Variants in AATK observed in about 807,000 individuals in gnomAD.
AATK encodes the protein serine/threonine-protein kinase LMTK1.
In AATK, 91 loss-of-function variants were observed where a neutral mutation model predicts 114.3. The observed-to-expected ratio is 0.80, with a 90% CI of 0.67 to 0.95. The LOEUF is 0.95. Among genes scored for constraint, AATK ranks in the 40% least tolerant of loss-of-function variants. The pLI is 0.00. For missense variants in AATK, 2,176 were observed against 1,965.2 expected, an observed-to-expected ratio of 1.11 and a Z score of -2.03; for synonymous variants, 1,075 against 916.5, an observed-to-expected ratio of 1.17 and a Z score of -3.12.
At chr17:81,149,391 G>T (rs980284221) in intron 1 of AATK, among the ~76,000 whole-genome samples, 1 of 151,800 alleles carries the variant, frequency 6.6e-6, no homozygotes, top group African/African-American at 2.4e-5. Flanking sequence ...TGCCCTCCCC[G>T]GCCTGTGGGA....
chr17:81,138,573 C>T (rs571402099), intron 1 of AATK, among the ~76,000 whole-genome samples: 130 of 150,278 alleles, frequency 8.7e-4, no homozygotes, highest in Admixed American at 1.5e-3. Flanking sequence ...TACCCCCACA[C>T]GCACATACCC....
chr17:81,152,270 C>CA (rs2061308641), intron 1 of AATK, among the ~76,000 whole-genome samples: 1 of 151,936 alleles, frequency 6.6e-6, no homozygotes, highest in Non-Finnish European at 1.5e-5. Context: ...AAGCATGACT[C>CA]AGTCTCAAAA....
chr17:81,121,138 C>A lies in AATK; in HGVS notation c.2798G>T (p.Arg933Leu). The A allele has an allele frequency of 6.2e-7, 1 of 1,604,848 alleles. No homozygotes were observed. Among genetic ancestry groups the A allele is most frequent in the East Asian group, 2.2e-5 (1 of 44,666 alleles). ...SATGPSGGQP[R>L]ALDSGYDTEN... is the part of the protein sequence containing the mutation. ...GGTGTCATAGCCACTGTCCAGCGCTCGCGGCTGCCCTCCAGAGGGGCCAGT... is the reference window on the plus strand; with the variant it reads ...GGTGTCATAGCCACTGTCCAGCGCTAGCGGCTGCCCTCCAGAGGGGCCAGT... The change falls in exon 11 of 14, where the codon CGA becomes CTA. Residue 933 changes from arginine (R) to leucine (L), a missense_variant. Coordinates refer to ENST00000326724, the MANE Select transcript of AATK (RefSeq NM_001080395.3).
At position 81,119,432 on chromosome 17, in the gene AATK, C is replaced by G. The variant is rs528163975; in HGVS notation, c.4032G>C (p.Thr1344=). The G allele has an allele frequency of 2.0e-6, 3 of 1,524,958 alleles. No homozygotes were observed. The South Asian group carries it at 3.7e-5, about 19-fold the overall frequency. The allele number at this position is 1,524,958 out of a possible 1,614,324, so 94.5% of individuals were successfully genotyped here. A position where few individuals can be genotyped will look rare whatever the true frequency, so the allele number is the denominator to read the frequency against. The part of the protein sequence containing the change: ...FSRFTVSPAP[T]SRFSITHVSD... ...ACACGTGCGTGATGGAGAAGCGGGA[C>G]GTGGGCGCGGGCGACACCGTGAAGC... Residue 1344 remains threonine, a synonymous_variant, in exon 13 of 14, where the codon ACG becomes ACC. Transcript: ENST00000326724.
intron 9 of AATK, among the ~76,000 whole-genome samples, chr17:81,123,931 G>A (rs890505743): frequency 1.3e-5 from 2 of 152,304 alleles, no homozygotes; most frequent in East Asian, 1.9e-4. Context: ...AGGTGATTTG[G>A]CAAGACGTCA....
Position 81,121,319 on chromosome 17 carries a change from C to G in AATK, c.2617G>C (p.Asp873His). Residue 873 changes from aspartate to histidine, a missense_variant, in exon 11 of 14, where the codon GAC (aspartate) becomes CAC (histidine). Around this residue, in one of 4 missense-constraint regions of AATK, gnomAD observed 1,701 missense variants for 1,394.7 expected, o/e 1.22. Transcript: ENST00000326724. ...GCCTGCAGGCCGTCGCTGGACGTGTCGGTGAAGATGCCTGAGGTGGCCTCG... is the reference window on the plus strand; with the variant it reads ...GCCTGCAGGCCGTCGCTGGACGTGTGGGTGAAGATGCCTGAGGTGGCCTCG... The part of the protein sequence containing the change: ...TAEATSGIFT[D>H]TSSDGLQARR... 3 of 1,611,754 alleles carry G rather than the reference C, an allele frequency of 1.9e-6. No homozygotes were observed. The highest frequency in any genetic ancestry group is 2.2e-5 in the South Asian group (2 of 90,998).
intron 1 of AATK, among the ~76,000 whole-genome samples, chr17:81,138,635 C>G (rs2061068161): frequency 9.2e-6 from 1 of 108,986 alleles, no homozygotes; most frequent in Non-Finnish European, 2.1e-5. Context: ...ACACACATAT[C>G]CACACATCCA....
rs577111974 is a variant in AATK at position 81,154,472 on chromosome 17, C to G, written c.55+11466G>C. Among the ~76,000 whole-genome samples, 7 of 151,626 alleles carry G rather than the reference C, an allele frequency of 4.6e-5. No homozygotes were observed. The South Asian group carries it at 1.5e-3, about 32-fold the overall frequency. The stretch of plus-strand genomic sequence containing the variant: ...GGTAACTGGGATTACAGGCGCCCAC[C>G]ACCATGCCCTGCTAATTTTTGGATT... On this transcript the variant is annotated intron_variant, in intron 1 of 13. Transcript: ENST00000326724.
intron 1 of AATK, among the ~76,000 whole-genome samples, chr17:81,156,780 C>T (rs941245460): frequency 2.6e-5 from 4 of 152,224 alleles, no homozygotes; most frequent in African/African-American, 9.6e-5. Flanking sequence ...TTTCCACACT[C>T]AGGATGATGG....
rs564169165 is a variant in AATK at position 81,122,568 on chromosome 17, G to A, written c.1368C>T (p.Asp456=). The change falls in exon 11 of 14, where the codon GAC becomes GAT. Residue 456 remains aspartate, a synonymous_variant. Coordinates refer to ENST00000326724, the MANE Select transcript of AATK (RefSeq NM_001080395.3). The part of the protein sequence containing the change: ...SFPLLEQFAG[D]GFHADGDDVL... ...CGTCGTCGCCGTCCGCGTGGAAGCC[G>A]TCGCCCGCGAACTGCTCCAGCAGCG... 1.1e-5 allele frequency: 16 copies of A among 1,468,670 alleles called. No individual in the cohort carries two copies. Among genetic ancestry groups the A allele is most frequent in the Middle Eastern group, 3.6e-4 (2 of 5,598 alleles). 91.0% of individuals were successfully genotyped at this position (1,468,670 alleles called of 1,614,324 possible).
At chr17:81,148,351 G>C (rs969958926) in intron 1 of AATK, among the ~76,000 whole-genome samples, 1 of 152,212 alleles carries the variant, frequency 6.6e-6, no homozygotes, top group Non-Finnish European at 1.5e-5. Context: ...ACCACGCTCA[G>C]CCTCCCACTT....
chr17:81,124,905 G>GGCCCCCCCCC, intron 8 of AATK, 25 bp downstream of exon 8: 3 of 1,503,198 alleles, frequency 2.0e-6, no homozygotes, highest in Non-Finnish European at 2.7e-6. Context: ...CTCATGCCCA[G>GGCCCCCCCCC]CCCAGCCCAC....
At position 81,131,212 on chromosome 17, in the gene AATK, G is replaced by T; in HGVS notation, c.190-7C>A. ...CCTCCGCATTCTCAAACTCCTGCGG[G>T]CCGGGCCGGGCATGAGCGGGGCTTC... On this transcript the variant is annotated splice_region_variant and splice_polypyrimidine_tract_variant and intron_variant, in intron 2 of 13. Coordinates refer to ENST00000326724, the MANE Select transcript of AATK (RefSeq NM_001080395.3). 1 of 1,567,644 alleles carries T rather than the reference G, an allele frequency of 6.4e-7. No individual in the cohort carries two copies.
rs144547223 is a variant in AATK, at chr17:81,140,558, C to T, written c.56-6057G>A. On this transcript the variant is annotated intron_variant, in intron 1 of 13. Coordinates refer to ENST00000326724, the MANE Select transcript of AATK (RefSeq NM_001080395.3). The stretch of plus-strand genomic sequence containing the variant: ...GAGGCGGGGCCATTAGCCCGGATTG[C>T]CAGGCAAGCCAGGGTCATCCCGAGG... Among the ~76,000 whole-genome samples the T allele has an allele frequency of 5.5e-3, 822 of 148,522 alleles. 2 individuals are homozygous for T. The highest frequency in any genetic ancestry group is 8.0e-3 in the Non-Finnish European group (536 of 66,724).
rs187062686 is a variant in AATK at position 81,134,312 on chromosome 17, G to A, written c.189+56C>T. On this transcript the variant is annotated intron_variant, in intron 2 of 13. Coordinates refer to ENST00000326724, the MANE Select transcript of AATK (RefSeq NM_001080395.3). ...GAGGGAAGCTCAGGGTCAAGTGGAC[G>A]CTACAGGCCTTGCCTGCGGGATCCC... The A allele has an allele frequency of 4.7e-4, 743 of 1,595,934 alleles. 3 individuals carry two copies. The African/African-American group carries it at 8.6e-3, about 18-fold the overall frequency.
chr17:81,119,184 T>TGAGGGC (rs2060636396), intron 13 of AATK, among the ~76,000 whole-genome samples, 196 bp downstream of exon 13: 1 of 52,620 alleles, frequency 1.9e-5, no homozygotes, highest in African/African-American at 7.8e-5. Context: ...CAGGTGAGGG[T>TGAGGGC]CAGGTGAGGG....
chr17:81,127,055 T>C (rs1336851483), intron 6 of AATK, among the ~76,000 whole-genome samples: 1 of 30,794 alleles, frequency 3.2e-5, no homozygotes, highest in Non-Finnish European at 6.0e-5. Flanking sequence ...TGGAAGGGGG[T>C]GGGGGGCAGG....
intron 6 of AATK, 73 bp downstream of exon 6, chr17:81,127,510 A>C: frequency 6.9e-7 from 1 of 1,450,258 alleles, no homozygotes; most frequent in Non-Finnish European, 9.5e-7. Context: ...AGGGGGTGGC[A>C]CCAGACACTG....
intron 1 of AATK, among the ~76,000 whole-genome samples, chr17:81,156,205 AATGT>A (rs1275319491): frequency 2.0e-5 from 3 of 147,348 alleles, no homozygotes; most frequent in African/African-American, 7.5e-5. Flanking sequence ...ATCATGTTAC[AATGT>A]ATGTTACCAT....
Sources: gnomAD v4.1 joint callset for allele counts (sites outside exome capture counted in the v4.1 genomes callset) on GRCh38, gnomAD v4.1.1 for gene constraint, gnomAD v4.1.1 regional missense constraint, MANE v1.5 for transcripts, NCBI Gene and HGNC (gene_info 2026-07-23, HGNC 2026-07-21) for gene names.